The following ATRNL1 variants were observed in gnomAD, a reference collection of about 807,000 sequenced individuals.
ATRNL1 encodes attractin like 1.
In ATRNL1, 95 loss-of-function variants were observed where a neutral mutation model predicts 182.7. The ratio of observed to expected loss-of-function variants is 0.52; its 90% CI spans 0.44 to 0.62. ATRNL1 has a LOEUF of 0.62. Among genes scored for constraint, ATRNL1 ranks in the 20% least tolerant of loss-of-function variants. ATRNL1 has a pLI of 0.00. For synonymous variants in ATRNL1, 576 were observed against 568.3 expected (o/e 1.01, Z -0.19); for missense variants, 1,471 against 1,679.5 (o/e 0.88, Z 2.17).
chr10:115,230,430 A>C (rs1849877092), intron 9 of ATRNL1, among the ~76,000 whole-genome samples: 1 of 152,162 alleles, frequency 6.6e-6, no homozygotes, highest in Admixed American at 6.6e-5. Flanking sequence ...CAGCTAGTGC[A>C]AAAGCCTTGA....
chr10:115,840,251 C>G (rs1950773303), intron 27 of ATRNL1, among the ~76,000 whole-genome samples: 1 of 152,034 alleles, frequency 6.6e-6, no homozygotes, highest in Non-Finnish European at 1.5e-5. Context: ...TGAAAACCAT[C>G]AATAAAAATC....
chr10:115,535,407 T>C (rs1170595433), intron 25 of ATRNL1, among the ~76,000 whole-genome samples: 1 of 150,938 alleles, frequency 6.6e-6, no homozygotes, highest in Non-Finnish European at 1.5e-5. Flanking sequence ...CATCGGCTCC[T>C]GAGGCTTCTG....
chr10:115,563,099 GGAA>G (rs1300052390), intron 26 of ATRNL1, among the ~76,000 whole-genome samples: 3 of 152,136 alleles, frequency 2.0e-5, no homozygotes, highest in Non-Finnish European at 2.9e-5. Context: ...GATTTATAAA[GGAA>G]GAAGGTTTAT....
intron 20 of ATRNL1, among the ~76,000 whole-genome samples, chr10:115,412,410 C>T (rs554250496): frequency 6.6e-6 from 1 of 152,318 alleles, no homozygotes; most frequent in East Asian, 1.9e-4. Flanking sequence ...TGATTGCAGT[C>T]TGCTGTGACT....
intron 27 of ATRNL1, among the ~76,000 whole-genome samples, chr10:115,754,953 T>C (rs1407552582): frequency 1.3e-5 from 2 of 152,200 alleles, no homozygotes; most frequent in Non-Finnish European, 1.5e-5. Context: ...AGTTGACTCA[T>C]GATTTGGCTC....
At chr10:115,372,566 A>C (rs782368314) in intron 19 of ATRNL1, among the ~76,000 whole-genome samples, 6 of 152,278 alleles carry the variant, frequency 3.9e-5, no homozygotes, top group Admixed American at 6.5e-5. Context: ...ATAAGATAAA[A>C]TTTCATTTTC....
At chr10:115,338,439 T>A (rs1855594968) in intron 19 of ATRNL1, among the ~76,000 whole-genome samples, 1 of 152,186 alleles carries the variant, frequency 6.6e-6, no homozygotes, top group Non-Finnish European at 1.5e-5. Flanking sequence ...TTAACTGGGG[T>A]GATATTACAG....
intron 8 of ATRNL1, among the ~76,000 whole-genome samples, chr10:115,194,865 G>A (rs1225725929): frequency 6.8e-6 from 1 of 146,518 alleles, no homozygotes; most frequent in African/African-American, 2.6e-5. Flanking sequence ...TTAGGTTTTT[G>A]TTTTGTGGTT....
At chr10:115,268,179 T>C in intron 12 of ATRNL1, 147 bp from the exon 13 acceptor site, 1 of 610,162 alleles carries the variant, frequency 1.6e-6, no homozygotes. Context: ...TCTTAATCTT[T>C]AGAAAACTTA....
chr10:115,476,669 G>C (rs1011743947), intron 24 of ATRNL1, among the ~76,000 whole-genome samples: 1 of 150,888 alleles, frequency 6.6e-6, no homozygotes, highest in Non-Finnish European at 1.5e-5. Context: ...ACTACTTTCA[G>C]CTCTCCAAAT....
intron 7 of ATRNL1, among the ~76,000 whole-genome samples, chr10:115,168,780 T>C (rs1847161783): frequency 6.6e-6 from 1 of 152,080 alleles, no homozygotes; most frequent in Non-Finnish European, 1.5e-5. Flanking sequence ...CTTGATGTTA[T>C]CTTTTTAAAC....
At chr10:115,788,001 C>A (rs1949436955) in intron 27 of ATRNL1, among the ~76,000 whole-genome samples, 1 of 152,160 alleles carries the variant, frequency 6.6e-6, no homozygotes, top group African/African-American at 2.4e-5. Context: ...AAATCCATTT[C>A]TGTTGTTTTA....
At chr10:115,443,513 G>A (rs532850877) in intron 21 of ATRNL1, among the ~76,000 whole-genome samples, 13 of 151,284 alleles carry the variant, frequency 8.6e-5, no homozygotes, top group Admixed American at 2.6e-4. Flanking sequence ...TTTTTATTTT[G>A]TATTTTTACT....
At chr10:115,412,141 T>C (rs1845169047) in intron 20 of ATRNL1, among the ~76,000 whole-genome samples, 1 of 152,172 alleles carries the variant, frequency 6.6e-6, no homozygotes, top group Non-Finnish European at 1.5e-5. Flanking sequence ...CCTAGAAAAC[T>C]TGCTCTAGTG....
intron 24 of ATRNL1, among the ~76,000 whole-genome samples, chr10:115,472,155 G>T (rs1404417041): frequency 6.6e-6 from 1 of 150,656 alleles, no homozygotes; most frequent in African/African-American, 2.4e-5. Flanking sequence ...ATCAGTTGAC[G>T]CTGTCTATGG....
At chr10:115,514,003 CTG>C (rs1175615977) in intron 24 of ATRNL1, among the ~76,000 whole-genome samples, 2 of 151,812 alleles carry the variant, frequency 1.3e-5, no homozygotes, top group Non-Finnish European at 2.9e-5. Context: ...TTAAGAAAGT[CTG>C]TATTTCAGAT....
intron 27 of ATRNL1, among the ~76,000 whole-genome samples, chr10:115,759,932 T>A (rs1478708433): frequency 6.7e-6 from 1 of 148,910 alleles, no homozygotes; most frequent in Non-Finnish European, 1.5e-5. Flanking sequence ...GACCTCATGA[T>A]CTGCCCACTT....
At chr10:115,280,397 G>A (rs1852306697) in intron 13 of ATRNL1, among the ~76,000 whole-genome samples, 1 of 152,152 alleles carries the variant, frequency 6.6e-6, no homozygotes, top group African/African-American at 2.4e-5. Flanking sequence ...AATAAAAACA[G>A]AGAAAAGAGG....
At chr10:115,777,742 C>T (rs1193507767) in intron 27 of ATRNL1, among the ~76,000 whole-genome samples, 1 of 152,128 alleles carries the variant, frequency 6.6e-6, no homozygotes, top group Non-Finnish European at 1.5e-5. Flanking sequence ...AGGCCCTCAC[C>T]CACAAAAGGC....
Sources: gnomAD v4.1 joint callset for allele counts (sites outside exome capture counted in the v4.1 genomes callset) on GRCh38, gnomAD v4.1.1 for gene constraint, MANE v1.5 for transcripts, NCBI Gene and HGNC (gene_info 2026-07-23, HGNC 2026-07-21) for gene names.